Variants in ACOX3 observed in about 807,000 individuals in gnomAD.
The protein encoded by ACOX3 is peroxisomal acyl-coenzyme A oxidase 3.
A neutral mutation model predicts 81.5 loss-of-function variants in ACOX3; 73 were observed. The observed-to-expected ratio is 0.90, with a 90% CI of 0.74 to 1.09. The LOEUF is 1.09. Among genes scored for constraint, ACOX3 ranks in the 50% least tolerant of loss-of-function variants. ACOX3 has a pLI of 0.00. For missense variants in ACOX3, 947 were observed against 928.0 expected, an observed-to-expected ratio of 1.02 and a Z score of -0.27; for synonymous variants, 387 against 375.1, an observed-to-expected ratio of 1.03 and a Z score of -0.37.
At chr4:8,373,857 C>A in intron 15 of ACOX3, 2 of 578,208 alleles carry the variant, frequency 3.5e-6, no homozygotes, top group South Asian at 2.1e-5. Flanking sequence ...CTCTGGCCCG[C>A]GGCAGCGAGG....
rs1451798100 is a variant in ACOX3 at position 8,386,545 on chromosome 4, G to A, written c.1537+2628C>T. Among the ~76,000 whole-genome samples the A allele has an allele frequency of 3.4e-5, 5 of 146,042 alleles. No individual in the cohort carries two copies. Among genetic ancestry groups the A allele is most frequent in the Non-Finnish European group, 7.5e-5 (5 of 67,070 alleles). On this transcript the variant is annotated intron_variant, in intron 13 of 17. Transcript: ENST00000356406. This position sits in a 1 kb window ranked among gnomAD's most constrained non-coding sequence, Gnocchi z 5.2. ...CATACCACTGCACTCCAGCCTGGGCGACAGAGCGAGACTCCGTCTCAAAAA... is the reference window on the plus strand; with the variant it reads ...CATACCACTGCACTCCAGCCTGGGCAACAGAGCGAGACTCCGTCTCAAAAA...
chr4:8,383,006 AG>A lies in ACOX3; in HGVS notation c.1538-1400del, dbSNP rs202163573. 9.6e-4 allele frequency among the ~76,000 whole-genome samples: 127 copies of A among 131,858 alleles called. 28 individuals carry two copies. The highest frequency in any genetic ancestry group is 1.6e-3 in the South Asian group (7 of 4,280). The allele number at this position is 131,858 out of a possible 152,430, so 86.5% of individuals were successfully genotyped here. A position where few individuals can be genotyped will look rare whatever the true frequency, so the allele number is the denominator to read the frequency against. ...ACTCCGTCTCAAAAAAAAAAAAAAA[AG>A]AAAAGAAAATACCCAACGTTGCAGT... On this transcript the variant is annotated intron_variant, in intron 13 of 17. Transcript: ENST00000356406.
chr4:8,405,840 G>T lies in ACOX3; in HGVS notation c.776+115C>A. On this transcript the variant is annotated intron_variant, in intron 7 of 17. Transcript: ENST00000356406. This position sits in a 1 kb window ranked among gnomAD's most constrained non-coding sequence, Gnocchi z 7.1. Reference sequence around the variant, plus strand: ...CTAGGCGTAGGTCCCCACCGCATTTGAGTCTAAGAGGGCAGGGCATGGCAT... The same window carrying T: ...CTAGGCGTAGGTCCCCACCGCATTTTAGTCTAAGAGGGCAGGGCATGGCAT... The T allele has an allele frequency of 1.9e-6, 2 of 1,066,876 alleles. No individual in the cohort carries two copies. Among genetic ancestry groups the T allele is most frequent in the Non-Finnish European group, 2.9e-6 (2 of 693,960 alleles). 66.1% of individuals were successfully genotyped at this position (1,066,876 alleles called of 1,614,324 possible).
At chr4:8,378,891 C>T (rs1319509754) in intron 14 of ACOX3, among the ~76,000 whole-genome samples, 1 of 151,996 alleles carries the variant, frequency 6.6e-6, no homozygotes, top group East Asian at 1.9e-4. Context: ...CCAAAGGACA[C>T]AGCCATCACC....
In ACOX3 at chr4:8,366,580, T is replaced by TA. The variant is rs1715469344; in HGVS notation, c.*380dup. 5.9e-6 allele frequency: 1 copy of TA among 169,722 alleles called. No homozygotes were observed. Among genetic ancestry groups the TA allele is most frequent in the Non-Finnish European group, 1.3e-5 (1 of 78,530 alleles). The allele number at this position is 169,722 out of a possible 1,614,324, so 10.5% of individuals were successfully genotyped here. On this transcript the variant is annotated 3_prime_UTR_variant, in exon 18 of 18. Transcript: ENST00000356406. ...GACTTCTCAATGAAGTGGAGCTCGG[T>TA]AAAAAATCTAGATGAATCACAGGTT... is the stretch of plus-strand genomic sequence containing the variant.
At chr4:8,362,110 A>G (rs1715242665), downstream of ACOX3, among the ~76,000 whole-genome samples, 1 of 152,172 alleles carries the variant, frequency 6.6e-6, no homozygotes, top group African/African-American at 2.4e-5. Flanking sequence ...GTGGTTTATA[A>G]CCAACTATGG....
rs1716097524 is a variant in ACOX3, at chr4:8,370,883, C to A, written c.1983+25G>T. 6.2e-7 allele frequency: 1 copy of A among 1,608,380 alleles called. No individual in the cohort carries two copies. Among genetic ancestry groups the A allele is most frequent in the Non-Finnish European group, 8.5e-7 (1 of 1,175,952 alleles). On this transcript the variant is annotated intron_variant, in intron 17 of 17. Coordinates refer to ENST00000356406, the MANE Select transcript of ACOX3 (RefSeq NM_003501.3). The surrounding 1 kb of genome is among the most constrained non-coding windows in gnomAD (Gnocchi z 6.3). Reference sequence around the variant, plus strand: ...ATGCCCATCAACCCTTGGGGCACTCCCGTGAGGCCCTGTCCTCCCTTTACC... The same window carrying A: ...ATGCCCATCAACCCTTGGGGCACTCACGTGAGGCCCTGTCCTCCCTTTACC...
rs1723906533 is a variant in ACOX3 at position 8,430,726 on chromosome 4, GGCGCCTGTAATCCCA to G, written c.-15+9907_-15+9921del. ...CAAAAATTAGCTGGGCATGGTGGCGGGCGCCTGTAATCCCAGCTACTTGGGAGGCTGAGGCAAGAG... is the reference window on the plus strand; with the variant it reads ...CAAAAATTAGCTGGGCATGGTGGCGGGCTACTTGGGAGGCTGAGGCAAGAG... On this transcript the variant is annotated intron_variant, in intron 1 of 17. Coordinates refer to ENST00000356406, the MANE Select transcript of ACOX3 (RefSeq NM_003501.3). The surrounding 1 kb of genome is among the most constrained non-coding windows in gnomAD (Gnocchi z 5.2). Among the ~76,000 whole-genome samples, 1 of 152,086 alleles carries G rather than the reference GGCGCCTGTAATCCCA, an allele frequency of 6.6e-6. No homozygotes were observed. Among genetic ancestry groups the G allele is most frequent in the South Asian group, 2.1e-4 (1 of 4,818 alleles).
At chr4:8,390,298 C>G (rs909351031) in intron 11 of ACOX3, among the ~76,000 whole-genome samples, 6 of 151,962 alleles carry the variant, frequency 3.9e-5, no homozygotes, top group Admixed American at 2.0e-4. Context: ...AAGCCATGGT[C>G]ATGCCACTGT....
chr4:8,385,524 A>C lies in ACOX3; in HGVS notation c.1537+3649T>G, dbSNP rs1718200741. ...AATGCATACGAGCCAGCTAAACAACAGGGCCCACTGCAGGAAGCAACAGCA... is the reference window on the plus strand; with the variant it reads ...AATGCATACGAGCCAGCTAAACAACCGGGCCCACTGCAGGAAGCAACAGCA... On this transcript the variant is annotated intron_variant, in intron 13 of 17. Transcript: ENST00000356406. The surrounding 1 kb of genome is among the most constrained non-coding windows in gnomAD (Gnocchi z 5.5). Among the ~76,000 whole-genome samples, 1 of 152,218 alleles carries C rather than the reference A, an allele frequency of 6.6e-6. No individual in the cohort carries two copies. Among genetic ancestry groups the C allele is most frequent in the Admixed American group, 6.5e-5 (1 of 15,294 alleles).
At chr4:8,392,111 G>A (rs1719061301) in intron 11 of ACOX3, among the ~76,000 whole-genome samples, 1 of 152,240 alleles carries the variant, frequency 6.6e-6, no homozygotes, top group African/African-American at 2.4e-5. Context: ...CATGGTCTCT[G>A]TCACAGCTGC....
chr4:8,436,755 G>A (rs1384996111), intron 1 of ACOX3, among the ~76,000 whole-genome samples: 1 of 151,732 alleles, frequency 6.6e-6, no homozygotes, highest in Admixed American at 6.6e-5. Flanking sequence ...AGGCCGAGGT[G>A]GGCAGATCAA....
rs1717589214 is a variant in ACOX3, at chr4:8,381,110, T to C, written c.1653+382A>G. Among the ~76,000 whole-genome samples the C allele has an allele frequency of 6.6e-6, 1 of 152,054 alleles. No individual in the cohort carries two copies. Among genetic ancestry groups the C allele is most frequent in the Admixed American group, 6.5e-5 (1 of 15,280 alleles). On this transcript the variant is annotated intron_variant, in intron 14 of 17. Coordinates refer to ENST00000356406, the MANE Select transcript of ACOX3 (RefSeq NM_003501.3). The surrounding 1 kb of genome is among the most constrained non-coding windows in gnomAD (Gnocchi z 4.3). ...GCCCCTCGGGAAGGCGAGAGCAACT[T>C]GTGGAAAACCAAGCAGGGCGCTGGC...
intron 1 of ACOX3, among the ~76,000 whole-genome samples, chr4:8,420,804 C>T (rs1722859117): frequency 1.3e-5 from 2 of 152,186 alleles, no homozygotes; most frequent in African/African-American, 4.8e-5. Context: ...CCTCCGGATC[C>T]AGCAGGGTGT....
In ACOX3 at chr4:8,406,319, T is replaced by C. The variant is rs1380210817; in HGVS notation, c.688-276A>G. On this transcript the variant is annotated intron_variant, in intron 6 of 17. Coordinates refer to ENST00000356406, the MANE Select transcript of ACOX3 (RefSeq NM_003501.3). The surrounding 1 kb of genome is among the most constrained non-coding windows in gnomAD (Gnocchi z 5.6). ...GGTGGGCCCTAAATCCCACGGCAAGTGTCCTATGAGAATCAGAAGAGGAGT... is the reference window on the plus strand; with the variant it reads ...GGTGGGCCCTAAATCCCACGGCAAGCGTCCTATGAGAATCAGAAGAGGAGT... Among the ~76,000 whole-genome samples the C allele has an allele frequency of 6.6e-6, 1 of 151,920 alleles. No individual in the cohort carries two copies. Among genetic ancestry groups the C allele is most frequent in the Non-Finnish European group, 1.5e-5 (1 of 67,964 alleles).
intron 5 of ACOX3, among the ~76,000 whole-genome samples, chr4:8,411,958 C>T (rs1721768515): frequency 6.6e-6 from 1 of 152,216 alleles, no homozygotes; most frequent in Non-Finnish European, 1.5e-5. Flanking sequence ...GATCTGATGC[C>T]ACACTCTGAC....
intron 16 of ACOX3, among the ~76,000 whole-genome samples, chr4:8,371,862 G>A (rs548379984): frequency 1.4e-4 from 21 of 152,370 alleles, no homozygotes; most frequent in Non-Finnish European, 2.4e-4. Context: ...CCGGCTTTGC[G>A]GGCCACGGTC....
At chr4:8,388,495 C>T (rs1026759543) in intron 13 of ACOX3, among the ~76,000 whole-genome samples, 3 of 152,254 alleles carry the variant, frequency 2.0e-5, no homozygotes, top group Admixed American at 6.5e-5. Context: ...GCTTTGCTTT[C>T]GATGCTGCCA....
At chr4:8,376,348 T>TTAAA (rs71649522) in intron 14 of ACOX3, among the ~76,000 whole-genome samples, 1 of 148,612 alleles carries the variant, frequency 6.7e-6, no homozygotes, top group African/African-American at 2.5e-5. Context: ...CTTTTAAAAT[T>TTAAA]AAAAAAAAAA....
Sources: gnomAD v4.1 joint callset for allele counts (sites outside exome capture counted in the v4.1 genomes callset) on GRCh38, gnomAD v4.1.1 for gene constraint, Gnocchi (gnomAD v3.1) non-coding constraint, MANE v1.5 for transcripts, NCBI Gene and HGNC (gene_info 2026-07-23, HGNC 2026-07-21) for gene names.